The following ZMYND8 variants were observed in gnomAD, a reference collection of about 807,000 sequenced individuals.
The protein encoded by ZMYND8 is zinc finger MYND-type containing 8, also known as MYND-type zinc finger-containing chromatin reader ZMYND8.
A neutral mutation model predicts 140.8 loss-of-function variants in ZMYND8; 37 were observed. That is an observed-to-expected ratio of 0.26 (90% CI 0.20 to 0.35). The LOEUF (loss-of-function observed/expected upper bound fraction) is 0.35. ZMYND8 is among the 10% of genes least tolerant of loss of function. ZMYND8 has a pLI of 1.00. For missense variants in ZMYND8, 1,068 were observed against 1,570.0 expected (o/e 0.68, Z 5.40); for synonymous variants, 592 against 597.1 (o/e 0.99, Z 0.12).
chr20:47,249,239 T>A, intron 13 of ZMYND8, 48 bp downstream of exon 13: 3 of 1,590,914 alleles, frequency 1.9e-6, no homozygotes, highest in Non-Finnish European at 2.6e-6. Context: ...CTACCAGTAA[T>A]GATAACAATG....
rs538452506 is a variant in ZMYND8 at position 47,283,028 on chromosome 20, C to A, written c.882+543G>T. On this transcript the variant is annotated intron_variant, in intron 9 of 22. Transcript: ENST00000471951. ...TTCCTTGCCTAATCTTGCCTCCAAA[C>A]CCACTCCAACCCACCAACCCCACCC... is the stretch of plus-strand genomic sequence containing the variant. 2.0e-5 allele frequency among the ~76,000 whole-genome samples: 3 copies of A among 152,200 alleles called. No homozygotes were observed. In the East Asian group the frequency reaches 5.8e-4, roughly 29 times the overall value.
At chr20:47,223,830 A>C (rs1329146801) in intron 19 of ZMYND8, among the ~76,000 whole-genome samples, 1 of 151,690 alleles carries the variant, frequency 6.6e-6, no homozygotes, top group Admixed American at 6.6e-5. Flanking sequence ...CTGTCTCAAA[A>C]AAAAAAAAAA....
intron 12 of ZMYND8, among the ~76,000 whole-genome samples, chr20:47,251,821 G>A (rs548824390): frequency 1.4e-5 from 2 of 140,082 alleles, no homozygotes; most frequent in Non-Finnish European, 3.0e-5. Context: ...AGTGAGGAGC[G>A]CCTCTGCCCC....
chr20:47,282,772 T>C (rs988638671), intron 9 of ZMYND8, among the ~76,000 whole-genome samples: 3 of 151,732 alleles, frequency 2.0e-5, no homozygotes, highest in Non-Finnish European at 4.4e-5. Context: ...AGGGTTGGAT[T>C]CTAGCTGTAC....
intron 2 of ZMYND8, among the ~76,000 whole-genome samples, chr20:47,313,154 C>T (rs1260313279): frequency 6.7e-6 from 1 of 149,578 alleles, no homozygotes; most frequent in Non-Finnish European, 1.5e-5. Context: ...TGCTTGAGCC[C>T]AGGAGTTTGA....
chr20:47,276,549 C>A lies in ZMYND8; in HGVS notation c.1245G>T (p.Glu415Asp), dbSNP rs3827047. 3,758 of 1,613,940 alleles carry A rather than the reference C, an allele frequency of 2.3e-3. 201 individuals carry two copies. In the East Asian group the frequency reaches 0.077, roughly 33 times the overall value. Residue 415 changes from glutamate to aspartate, a missense_variant, in exon 11 of 23, where the codon GAG becomes GAT. Coordinates refer to ENST00000471951, the MANE Select transcript of ZMYND8 (RefSeq NM_001281775.3). ...TCATGTCAAAGTTGAGCTTGACCTT[C>A]TCCTGCTTGTCTATCTTGGCAGTGC... Reference protein sequence around the residue: ...SAGTAKIDKQEKVKLNFDMTA... With the variant: ...SAGTAKIDKQDKVKLNFDMTA...
At chr20:47,238,644 G>A (rs776670895) in intron 15 of ZMYND8, 114 bp downstream of exon 15, 35 of 1,509,692 alleles carry the variant, frequency 2.3e-5, no homozygotes, top group Middle Eastern at 1.7e-4. Context: ...AAGATACAAT[G>A]GCCCGGAAAC....
intron 2 of ZMYND8, among the ~76,000 whole-genome samples, chr20:47,330,571 G>A (rs886435295): frequency 2.6e-5 from 4 of 151,994 alleles, no homozygotes; most frequent in African/African-American, 9.7e-5. Context: ...TGTTTTAGAA[G>A]GCGCCCATTA....
chr20:47,287,077 T>C (rs2076970904), intron 8 of ZMYND8, 152 bp downstream of exon 8: 1 of 641,612 alleles, frequency 1.6e-6, no homozygotes, highest in Non-Finnish European at 2.8e-6. Context: ...CCCTCTTTGT[T>C]CTTTTTACTT....
At chr20:47,351,931 A>G (rs1401826643) in intron 1 of ZMYND8, 1 of 985,298 alleles carries the variant, frequency 1.0e-6, no homozygotes, top group Non-Finnish European at 1.2e-6. Flanking sequence ...AACGTTTAGA[A>G]GCTTAAAAAA....
At chr20:47,281,973 A>G in intron 10 of ZMYND8, 129 bp downstream of exon 10, 1 of 797,986 alleles carries the variant, frequency 1.3e-6, no homozygotes, top group Non-Finnish European at 2.0e-6. Context: ...TATTTCAACA[A>G]CAAGATCAAT....
Position 47,262,325 on chromosome 20 carries a change from T to C in ZMYND8, c.1584A>G (p.Lys528=). 2.5e-6 allele frequency: 4 copies of C among 1,613,774 alleles called. No homozygotes were observed. The highest frequency in any genetic ancestry group is 3.4e-6 in the Non-Finnish European group (4 of 1,179,978). ...TCAGGATGCTGCCGGTGGTGGAGGT[T>C]TTGTCCGTTTTCGTCGTGATAGGAG... ...LSAPITTKTD[K]TSTTGSILNL... Residue 528 remains lysine (K), a synonymous_variant, in exon 12 of 23, where the codon AAA becomes AAG. Coordinates refer to ENST00000471951, the MANE Select transcript of ZMYND8 (RefSeq NM_001281775.3).
At chr20:47,268,926 C>T (rs1357984027) in intron 11 of ZMYND8, among the ~76,000 whole-genome samples, 5 of 152,074 alleles carry the variant, frequency 3.3e-5, no homozygotes, top group East Asian at 1.9e-4. Context: ...CAAGGCCGGA[C>T]GCAGTGGCTC....
chr20:47,341,484 A>G (rs911723527), intron 2 of ZMYND8, among the ~76,000 whole-genome samples: 1 of 149,304 alleles, frequency 6.7e-6, no homozygotes, highest in African/African-American at 2.5e-5. Flanking sequence ...CTGAGAGTGC[A>G]CCACTGCATT....
chr20:47,344,677 C>A (rs2082190873), intron 2 of ZMYND8, among the ~76,000 whole-genome samples: 2 of 152,200 alleles, frequency 1.3e-5, no homozygotes, highest in Admixed American at 1.3e-4. Flanking sequence ...GTAACAATTA[C>A]ACCACACTAG....
In ZMYND8 at chr20:47,220,470, T is replaced by C. The variant is rs562224138; in HGVS notation, c.3418-146A>G. The C allele has an allele frequency of 1.7e-5, 12 of 713,608 alleles. No homozygotes were observed. The East Asian group carries it at 3.0e-4, about 18-fold the overall frequency. The allele number at this position is 713,608 out of a possible 1,614,324, so 44.2% of individuals were successfully genotyped here. On this transcript the variant is annotated intron_variant, in intron 20 of 22. Transcript: ENST00000471951. ...GCCTGGCACGGTCAGGTGGGAGTGA[T>C]GGGCACAGGGCGGCCAGGTGGCCAA...
intron 12 of ZMYND8, among the ~76,000 whole-genome samples, chr20:47,250,901 C>T (rs1395950034): frequency 6.6e-6 from 1 of 152,158 alleles, no homozygotes; most frequent in Non-Finnish European, 1.5e-5. Context: ...TGGTGGAATG[C>T]ACCTGTAGTC....
At position 47,285,064 on chromosome 20, in the gene ZMYND8, A is replaced by AT. The variant is rs1355997706; in HGVS notation, c.805-1417dup. ...CTAAGAATTCTGTAAGTATTAACTC[A>AT]TTGTATTCCTTACACCTCATGAGAT... On this transcript the variant is annotated intron_variant, in intron 8 of 22. Coordinates refer to ENST00000471951, the MANE Select transcript of ZMYND8 (RefSeq NM_001281775.3). Among the ~76,000 whole-genome samples, 3 of 152,134 alleles carry AT rather than the reference A, an allele frequency of 2.0e-5. No individual in the cohort carries two copies. The East Asian group carries it at 5.8e-4, about 29-fold the overall frequency.
chr20:47,301,556 A>G (rs965934260), intron 3 of ZMYND8, among the ~76,000 whole-genome samples: 2 of 151,786 alleles, frequency 1.3e-5, no homozygotes, highest in Non-Finnish European at 2.9e-5. Context: ...TATTTTTTTC[A>G]TGTTACATTT....
Sources: allele counts gnomAD v4.1 joint callset (sites outside exome capture counted in the v4.1 genomes callset), GRCh38; gene constraint gnomAD v4.1.1; transcripts MANE v1.5; gene names NCBI Gene and HGNC (gene_info 2026-07-23, HGNC 2026-07-21).